CHN2: variants seen among roughly 807,000 people sequenced by gnomAD.
The protein encoded by CHN2 is beta-chimaerin.
CHN2 carries 35 observed loss-of-function variants against 56.3 expected under a neutral mutation model. The observed-to-expected ratio is 0.62, with a 90% CI of 0.47 to 0.82. The LOEUF is 0.82. CHN2 is among the 40% of genes least tolerant of loss of function. The pLI, the probability that CHN2 is intolerant of heterozygous loss-of-function variation, is 0.00. For missense variants in CHN2, 491 were observed against 580.5 expected (o/e 0.85, Z 1.58); for synonymous variants, 210 against 212.8 (o/e 0.99, Z 0.12).
chr7:29,332,791 A>G (rs1363904832), intron 1 of CHN2: 1 of 151,964 alleles, frequency 6.6e-6, no homozygotes, highest in Non-Finnish European at 1.5e-5. Context: ...GGCAAGCTAA[A>G]TGGTGTTTGG....
At chr7:29,489,188 T>C (rs1440662324) in intron 7 of CHN2, among the ~76,000 whole-genome samples, 1 of 152,218 alleles carries the variant, frequency 6.6e-6, no homozygotes, top group Non-Finnish European at 1.5e-5. Context: ...AAAGTAGCCA[T>C]TCCTGGGCCA....
chr7:29,376,177 A>T (rs1800064424), intron 3 of CHN2, among the ~76,000 whole-genome samples: 1 of 152,186 alleles, frequency 6.6e-6, no homozygotes, highest in African/African-American at 2.4e-5. Flanking sequence ...ATGCTGAATG[A>T]TATTACCTAA....
intron 6 of CHN2, among the ~76,000 whole-genome samples, chr7:29,439,670 G>C (rs1406667153): frequency 3.9e-5 from 6 of 152,140 alleles, no homozygotes; most frequent in Non-Finnish European, 8.8e-5. Flanking sequence ...GATGAGTGAG[G>C]TTCCTGTGTC....
intron 2 of CHN2, among the ~76,000 whole-genome samples, chr7:29,180,510 A>C (rs1797934344): frequency 6.6e-6 from 1 of 151,914 alleles, no homozygotes; most frequent in Admixed American, 6.6e-5. Context: ...ACAGAGCGAC[A>C]GAGCGACAGA....
chr7:29,456,155 C>T (rs767357983), intron 6 of CHN2, among the ~76,000 whole-genome samples: 1 of 152,228 alleles, frequency 6.6e-6, no homozygotes, highest in Non-Finnish European at 1.5e-5. Context: ...CTCAATGCCA[C>T]TTCTTTGAAG....
chr7:29,163,236 C>A (rs147181216), intron 2 of CHN2, among the ~76,000 whole-genome samples: 16 of 152,090 alleles, frequency 1.1e-4, no homozygotes, highest in Non-Finnish European at 2.2e-4. Context: ...AAATCTAAGA[C>A]GTGCTACAAG....
chr7:29,215,647 G>C (rs1209180461), intron 1 of CHN2, among the ~76,000 whole-genome samples: 1 of 151,906 alleles, frequency 6.6e-6, no homozygotes, highest in Non-Finnish European at 1.5e-5. Context: ...TCATTCCAGG[G>C]CAAGGATTTG....
chr7:29,207,863 C>A (rs902662554), intron 1 of CHN2, among the ~76,000 whole-genome samples: 1 of 152,168 alleles, frequency 6.6e-6, no homozygotes, highest in African/African-American at 2.4e-5. Context: ...AAATTTTACA[C>A]GCTTGTAGCT....
Position 29,214,468 on chromosome 7 carries a change from C to T in CHN2, c.49+19478C>T, listed in dbSNP as rs573085192. 5.9e-5 allele frequency among the ~76,000 whole-genome samples: 9 copies of T among 152,278 alleles called. No individual in the cohort carries two copies. The South Asian group carries it at 1.2e-3, about 21-fold the overall frequency. ...GGATGCCTTTGTGGATCAGTATTGACGCTTTGACAGGAGGCTTCAAGTTAA... is the reference window on the plus strand; with the variant it reads ...GGATGCCTTTGTGGATCAGTATTGATGCTTTGACAGGAGGCTTCAAGTTAA... On this transcript the variant is annotated intron_variant, in intron 1 of 12. Transcript: ENST00000222792.
At position 29,306,542 on chromosome 7, in the gene CHN2, G is replaced by T. The variant is rs550921723; in HGVS notation, c.50-48083G>T. ...GTATAAACTGAGAGGAGGGGCTGTG[G>T]CAGGAAAGGGGGACCCTGGGTGTTA... On this transcript the variant is annotated intron_variant, in intron 1 of 12. Transcript: ENST00000222792. Among the ~76,000 whole-genome samples, 11 of 152,272 alleles carry T rather than the reference G, an allele frequency of 7.2e-5. No individual in the cohort carries two copies. The East Asian group carries it at 1.9e-3, about 27-fold the overall frequency.
rs192223592 is a variant in CHN2 at position 29,412,660 on chromosome 7, G to C, written c.576+11832G>C. ...GAGTCTTAATGAACCTGGTAAACCA[G>C]ATTCTCAGCAACTTGTGATATTTCC... On this transcript the variant is annotated intron_variant, in intron 6 of 12. Coordinates refer to ENST00000222792, the MANE Select transcript of CHN2 (RefSeq NM_004067.4). 4.3e-4 allele frequency among the ~76,000 whole-genome samples: 66 copies of C among 152,264 alleles called. 1 individual carries two copies. The highest frequency in any genetic ancestry group is 1.6e-3 in the African/African-American group (65 of 41,538).
intron 1 of CHN2, among the ~76,000 whole-genome samples, chr7:29,286,133 A>G (rs988408811): frequency 2.6e-5 from 4 of 151,842 alleles, no homozygotes; most frequent in Non-Finnish European, 4.4e-5. Context: ...GATGTGCCTC[A>G]TACCCACCCT....
At chr7:29,479,298 A>C (rs1231237535) in intron 6 of CHN2, among the ~76,000 whole-genome samples, 1 of 152,134 alleles carries the variant, frequency 6.6e-6, no homozygotes, top group Non-Finnish European at 1.5e-5. Context: ...AGCAATTATG[A>C]TGTTTTGATT....
chr7:29,245,876 C>T (rs1788036361), intron 1 of CHN2, among the ~76,000 whole-genome samples: 1 of 152,196 alleles, frequency 6.6e-6, no homozygotes, highest in Admixed American at 6.5e-5. Flanking sequence ...TCCCATGCTT[C>T]AAATACATCT....
intron 1 of CHN2, among the ~76,000 whole-genome samples, chr7:29,264,791 C>T (rs571117611): frequency 4.4e-4 from 65 of 146,776 alleles, no homozygotes; most frequent in Middle Eastern, 3.5e-3. Flanking sequence ...CCGAGAGACA[C>T]CCGGGGTGAT....
chr7:29,159,903 T>C (rs1794945387), intron 2 of CHN2, among the ~76,000 whole-genome samples: 1 of 152,200 alleles, frequency 6.6e-6, no homozygotes, highest in Non-Finnish European at 1.5e-5. Flanking sequence ...TGCTTAAGTA[T>C]TTGTGGAAGG....
chr7:29,299,818 A>G (rs1793503664), intron 1 of CHN2, among the ~76,000 whole-genome samples: 1 of 152,252 alleles, frequency 6.6e-6, no homozygotes, highest in African/African-American at 2.4e-5. Flanking sequence ...GCATTTTAAG[A>G]AACAAGTAGA....
Position 29,273,949 on chromosome 7 carries a change from C to T in CHN2, c.49+78959C>T, listed in dbSNP as rs935344551. Among the ~76,000 whole-genome samples, 9 of 152,272 alleles carry T rather than the reference C, an allele frequency of 5.9e-5. No homozygotes were observed. In the East Asian group the frequency reaches 1.7e-3, roughly 29 times the overall value. On this transcript the variant is annotated intron_variant, in intron 1 of 12. Coordinates refer to ENST00000222792, the MANE Select transcript of CHN2 (RefSeq NM_004067.4). Reference sequence around the variant, plus strand: ...CCTGTAAAAAGGCCTCAAGGACTTGCAGGGTTCCCTAGACCATGCTTTGAG... The same window carrying T: ...CCTGTAAAAAGGCCTCAAGGACTTGTAGGGTTCCCTAGACCATGCTTTGAG...
At chr7:29,211,615 G>C (rs1784965361) in intron 1 of CHN2, among the ~76,000 whole-genome samples, 1 of 152,042 alleles carries the variant, frequency 6.6e-6, no homozygotes, top group Admixed American at 6.6e-5. Flanking sequence ...GTTGATTTCA[G>C]AATCCACTCT....
Sources: allele counts gnomAD v4.1 joint callset (sites outside exome capture counted in the v4.1 genomes callset), GRCh38; gene constraint gnomAD v4.1.1; transcripts MANE v1.5; gene names NCBI Gene and HGNC (gene_info 2026-07-23, HGNC 2026-07-21).